ARL15: variants seen among roughly 807,000 people sequenced by gnomAD.
ARL15 encodes the protein ARF like GTPase 15.
A neutral mutation model predicts 25.2 loss-of-function variants in ARL15; 19 were observed. That is an observed-to-expected ratio of 0.75 (90% CI 0.53 to 1.10). The LOEUF is 1.10. Ranked by LOEUF, ARL15 falls within the 50% of genes least tolerant of loss-of-function variation. The probability of loss-of-function intolerance (pLI) is 0.00; values close to 1 mark genes in which losing one functional copy is unlikely to be tolerated. For synonymous variants in ARL15, 94 were observed against 86.8 expected (o/e 1.08, Z -0.46); for missense variants, 220 against 246.0 (o/e 0.89, Z 0.71).
chr5:54,069,879 T>C (rs1751366507), intron 4 of ARL15, among the ~76,000 whole-genome samples: 1 of 151,498 alleles, frequency 6.6e-6, no homozygotes. Flanking sequence ...TTCACCACCT[T>C]GGCCAGGCTG....
intron 1 of ARL15, among the ~76,000 whole-genome samples, chr5:54,244,019 T>C (rs1422392904): frequency 6.6e-6 from 1 of 152,164 alleles, no homozygotes; most frequent in Non-Finnish European, 1.5e-5. Flanking sequence ...AATCTCTAAT[T>C]CTTAGATTTT....
At chr5:53,933,353 G>C (rs886703004) in intron 4 of ARL15, among the ~76,000 whole-genome samples, 3 of 152,062 alleles carry the variant, frequency 2.0e-5, no homozygotes, top group African/African-American at 7.2e-5. Flanking sequence ...TATCAGTAAA[G>C]ATGGAGAAAA....
At chr5:54,064,319 A>G (rs553510254) in intron 4 of ARL15, among the ~76,000 whole-genome samples, 1 of 152,320 alleles carries the variant, frequency 6.6e-6, no homozygotes, top group African/African-American at 2.4e-5. Flanking sequence ...AATGTGGCCT[A>G]TGACTCCCTC....
At position 54,058,011 on chromosome 5, in the gene ARL15, T is replaced by A. The variant is rs1268582052; in HGVS notation, c.462+55191A>T. ...GCCTTTATTTATTTATTTATTTATT[T>A]ATTTATTTTTTTTGACAAAGTCTCG... On this transcript the variant is annotated intron_variant, in intron 4 of 4. Transcript: ENST00000504924. 5.6e-3 allele frequency among the ~76,000 whole-genome samples: 804 copies of A among 142,654 alleles called. 4 individuals are homozygous for A. Among genetic ancestry groups the A allele is most frequent in the Admixed American group, 0.012 (174 of 14,738 alleles). The allele number at this position is 142,654 out of a possible 152,430, so 93.6% of individuals were successfully genotyped here.
intron 4 of ARL15, among the ~76,000 whole-genome samples, chr5:53,938,768 T>C (rs1188791811): frequency 2.0e-5 from 3 of 152,168 alleles, no homozygotes; most frequent in Non-Finnish European, 4.4e-5. Flanking sequence ...CGCTTGAACC[T>C]GGGAGGTAGA....
intron 1 of ARL15, among the ~76,000 whole-genome samples, chr5:54,238,383 GA>G (rs1372961671): frequency 6.6e-6 from 1 of 151,970 alleles, no homozygotes; most frequent in Non-Finnish European, 1.5e-5. Context: ...AAAACAATAA[GA>G]ATAATAAAGA....
Position 53,988,028 on chromosome 5 carries a change from G to A in ARL15, c.463-101315C>T, listed in dbSNP as rs549668676. 7.9e-5 allele frequency among the ~76,000 whole-genome samples: 12 copies of A among 152,092 alleles called. No homozygotes were observed. The East Asian group carries it at 1.4e-3, about 17-fold the overall frequency. The stretch of plus-strand genomic sequence containing the variant: ...TGAGGCAGGAGAATGGCATGAACCC[G>A]GGAGGCGGAGCTTGCAGTGAGCAGA... On this transcript the variant is annotated intron_variant, in intron 4 of 4. Coordinates refer to ENST00000504924, the MANE Select transcript of ARL15 (RefSeq NM_019087.3).
intron 1 of ARL15, among the ~76,000 whole-genome samples, chr5:54,294,719 AG>A (rs1758422920): frequency 6.6e-6 from 1 of 152,244 alleles, no homozygotes; most frequent in Non-Finnish European, 1.5e-5. Flanking sequence ...ATAAAACAAA[AG>A]TCCTTGTTAA....
At chr5:54,006,831 C>T (rs552104787) in intron 4 of ARL15, among the ~76,000 whole-genome samples, 63 of 152,194 alleles carry the variant, frequency 4.1e-4, no homozygotes, top group Admixed American at 9.8e-4. Flanking sequence ...TGGCTCACGT[C>T]TGCAATGTCA....
chr5:54,088,288 T>G (rs891334381), intron 4 of ARL15, among the ~76,000 whole-genome samples: 1 of 152,216 alleles, frequency 6.6e-6, no homozygotes, highest in African/African-American at 2.4e-5. Context: ...CAGTGCTGAC[T>G]GAAGAGGTCA....
At chr5:53,910,822 A>G (rs1303231110) in intron 4 of ARL15, among the ~76,000 whole-genome samples, 1 of 151,514 alleles carries the variant, frequency 6.6e-6, no homozygotes, top group Non-Finnish European at 1.5e-5. Flanking sequence ...AGCAACAAAT[A>G]TGAAACTCAA....
intron 1 of ARL15, among the ~76,000 whole-genome samples, chr5:54,202,715 T>G (rs939715321): frequency 2.0e-5 from 3 of 152,198 alleles, no homozygotes; most frequent in Non-Finnish European, 2.9e-5. Context: ...AATAAAGACC[T>G]AGCTCTTTTC....
intron 4 of ARL15, among the ~76,000 whole-genome samples, chr5:54,071,358 T>C (rs528317424): frequency 3.9e-5 from 6 of 152,170 alleles, no homozygotes; most frequent in South Asian, 2.1e-4. Flanking sequence ...AATATACACA[T>C]TGAACATCTC....
intron 4 of ARL15, among the ~76,000 whole-genome samples, chr5:54,064,076 C>G (rs1751144664): frequency 6.6e-6 from 1 of 152,166 alleles, no homozygotes; most frequent in African/African-American, 2.4e-5. Flanking sequence ...TAATACATTT[C>G]TTTCTCTGAT....
intron 4 of ARL15, among the ~76,000 whole-genome samples, chr5:54,058,473 C>T (rs1275125025): frequency 6.6e-6 from 1 of 152,154 alleles, no homozygotes; most frequent in Non-Finnish European, 1.5e-5. Flanking sequence ...ATCCTCCTCT[C>T]CAGGAGCTTG....
chr5:54,177,207 C>G (rs1754902621), intron 1 of ARL15, among the ~76,000 whole-genome samples: 1 of 152,138 alleles, frequency 6.6e-6, no homozygotes, highest in African/African-American at 2.4e-5. Context: ...GGATGTTTCC[C>G]CATTCTGTGT....
chr5:54,226,590 T>A (rs1015090325), intron 1 of ARL15, among the ~76,000 whole-genome samples: 2 of 152,230 alleles, frequency 1.3e-5, no homozygotes, highest in African/African-American at 4.8e-5. Context: ...ACTTTCTGAA[T>A]AGACTAATTT....
At chr5:54,238,492 G>A (rs554780399) in intron 1 of ARL15, among the ~76,000 whole-genome samples, 4 of 152,218 alleles carry the variant, frequency 2.6e-5, no homozygotes, top group South Asian at 4.1e-4. Context: ...TTTGAGTCTC[G>A]CAGGATGCCC....
chr5:54,145,453 T>G (rs1045435032), intron 3 of ARL15, among the ~76,000 whole-genome samples: 4 of 152,234 alleles, frequency 2.6e-5, no homozygotes, highest in Admixed American at 2.0e-4. Context: ...GTCTGTTAAG[T>G]GATAAATAGC....
Sources: gnomAD v4.1 joint callset for allele counts (sites outside exome capture counted in the v4.1 genomes callset) on GRCh38, gnomAD v4.1.1 for gene constraint, MANE v1.5 for transcripts, NCBI Gene and HGNC (gene_info 2026-07-23, HGNC 2026-07-21) for gene names.